Variants in NRXN3 observed in about 807,000 individuals in gnomAD.
The protein encoded by NRXN3 is neurexin III.
Under a neutral mutation model 137.6 loss-of-function variants are expected in NRXN3, and 32 were observed. That is an observed-to-expected ratio of 0.23 (90% CI 0.18 to 0.31). The LOEUF (loss-of-function observed/expected upper bound fraction) is 0.31, where lower values mean the gene tolerates loss of function less well. Ranked by LOEUF, NRXN3 falls within the 10% of genes least tolerant of loss-of-function variation. NRXN3 has a pLI of 1.00. For missense variants in NRXN3, 1,574 were observed against 2,062.5 expected, an observed-to-expected ratio of 0.76 and a Z score of 4.59; for synonymous variants, 798 against 784.5, an observed-to-expected ratio of 1.02 and a Z score of -0.29.
intron 8 of NRXN3, among the ~76,000 whole-genome samples, chr14:78,755,576 T>C (rs2098664417): frequency 6.6e-6 from 1 of 152,170 alleles, no homozygotes; most frequent in Admixed American, 6.5e-5. Context: ...GACTGCTAGG[T>C]GTGAGTTATG....
At chr14:79,680,873 G>A (rs2098666759) in intron 17 of NRXN3, among the ~76,000 whole-genome samples, 1 of 152,052 alleles carries the variant, frequency 6.6e-6, no homozygotes, top group Non-Finnish European at 1.5e-5. Flanking sequence ...CAGATAAGTA[G>A]GTCCTTGTCC....
intron 15 of NRXN3, among the ~76,000 whole-genome samples, chr14:79,116,105 A>G (rs2054387587): frequency 1.3e-5 from 2 of 152,184 alleles, no homozygotes; most frequent in South Asian, 2.1e-4. Context: ...CAATAGCACA[A>G]AATTCAATTG....
intron 15 of NRXN3, among the ~76,000 whole-genome samples, chr14:79,251,018 G>T (rs907071516): frequency 6.6e-6 from 1 of 152,170 alleles, no homozygotes; most frequent in Non-Finnish European, 1.5e-5. Flanking sequence ...TTAAAGGTCT[G>T]GTAGTGAGTA....
intron 10 of NRXN3, among the ~76,000 whole-genome samples, chr14:78,815,345 T>G (rs1205309343): frequency 6.6e-6 from 1 of 152,168 alleles, no homozygotes; most frequent in Non-Finnish European, 1.5e-5. Flanking sequence ...TGATTCATCA[T>G]AGAGGTGCAC....
At chr14:79,013,653 A>G (rs1275215570) in intron 15 of NRXN3, among the ~76,000 whole-genome samples, 1 of 152,202 alleles carries the variant, frequency 6.6e-6, no homozygotes. Flanking sequence ...GGTAATTATT[A>G]TATTTACAGA....
intron 4 of NRXN3, among the ~76,000 whole-genome samples, chr14:78,485,099 T>G (rs948715939): frequency 6.6e-6 from 1 of 152,168 alleles, no homozygotes; most frequent in Non-Finnish European, 1.5e-5. Context: ...TACAGTATTA[T>G]AGCCTGAGGT....
chr14:79,398,145 G>C (rs2370978), intron 15 of NRXN3, among the ~76,000 whole-genome samples: 55,982 of 151,906 alleles, frequency 0.37, 10,519 homozygotes, highest in African/African-American at 0.41. Context: ...CCATCCACCC[G>C]CTAACTCCAA....
intron 10 of NRXN3, among the ~76,000 whole-genome samples, chr14:78,871,705 T>C (rs2099101733): frequency 6.6e-6 from 1 of 152,142 alleles, no homozygotes; most frequent in Non-Finnish European, 1.5e-5. Context: ...AGAAGTCTTG[T>C]CTTGGACATC....
At chr14:79,384,357 G>A (rs966711873) in intron 15 of NRXN3, among the ~76,000 whole-genome samples, 5 of 152,092 alleles carry the variant, frequency 3.3e-5, no homozygotes, top group African/African-American at 1.2e-4. Context: ...TGGAAACGTG[G>A]GAAAAGGAGC....
Position 78,607,760 on chromosome 14 carries a change from G to A in NRXN3, c.758-37360G>A, listed in dbSNP as rs945484717. On this transcript the variant is annotated intron_variant, in intron 4 of 20. Coordinates refer to ENST00000335750, the MANE Select transcript of NRXN3 (RefSeq NM_001330195.2). ...TGCTATTCTCCACGATCTGTGTTAA[G>A]GTTTCTGTGGATGTGTGTGTGTGTC... Among the ~76,000 whole-genome samples, 5 of 152,180 alleles carry A rather than the reference G, an allele frequency of 3.3e-5. No homozygotes were observed. The East Asian group carries it at 5.8e-4, about 18-fold the overall frequency.
At chr14:79,859,253 C>T (rs1476314252) in intron 20 of NRXN3, among the ~76,000 whole-genome samples, 3 of 152,160 alleles carry the variant, frequency 2.0e-5, no homozygotes, top group Admixed American at 6.5e-5. Flanking sequence ...TATGCTTTCT[C>T]GGTTCCCTCA....
chr14:79,608,663 TG>T (rs1247168054), intron 16 of NRXN3, among the ~76,000 whole-genome samples: 2 of 152,232 alleles, frequency 1.3e-5, no homozygotes, highest in African/African-American at 2.4e-5. Context: ...CCAGCCAGCC[TG>T]GGGCGCTTCT....
chr14:79,578,126 T>C (rs1802870542), intron 16 of NRXN3, among the ~76,000 whole-genome samples: 1 of 152,220 alleles, frequency 6.6e-6, no homozygotes, highest in African/African-American at 2.4e-5. Flanking sequence ...AATTTGCTCA[T>C]AGGACTTACA....
At position 79,381,327 on chromosome 14, in the gene NRXN3, G is replaced by A. The variant is rs140818055; in HGVS notation, c.3263-85894G>A. ...TCTCAAATTTATTTGCACATGAAAT[G>A]CCTGTGGGACATAATATCTCTGAAG... On this transcript the variant is annotated intron_variant, in intron 15 of 20. Coordinates refer to ENST00000335750, the MANE Select transcript of NRXN3 (RefSeq NM_001330195.2). 2.4e-4 allele frequency among the ~76,000 whole-genome samples: 36 copies of A among 151,702 alleles called. No individual in the cohort carries two copies. In the East Asian group the frequency reaches 6.8e-3, roughly 29 times the overall value.
intron 16 of NRXN3, among the ~76,000 whole-genome samples, chr14:79,643,531 A>G (rs1248586921): frequency 1.5e-5 from 2 of 135,480 alleles, no homozygotes; most frequent in African/African-American, 4.9e-5. Flanking sequence ...CCTAATACCA[A>G]CTGAAGAGAG....
chr14:78,649,159 C>T (rs2097714778), intron 5 of NRXN3: 4 of 639,604 alleles, frequency 6.3e-6, no homozygotes, highest in Non-Finnish European at 1.0e-5. Context: ...TTTTACTAAC[C>T]GACTAATGTA....
intron 16 of NRXN3, among the ~76,000 whole-genome samples, chr14:79,609,245 AG>A (rs2098067255): frequency 6.6e-6 from 1 of 152,224 alleles, no homozygotes; most frequent in South Asian, 2.1e-4. Context: ...AACCATTATC[AG>A]TCTACACTCT....
intron 10 of NRXN3, among the ~76,000 whole-genome samples, chr14:78,926,354 CTTATA>C (rs1249683881): frequency 6.6e-6 from 1 of 151,814 alleles, no homozygotes; most frequent in South Asian, 2.1e-4. Context: ...GTCTTTCTCT[CTTATA>C]TATTTCTGGA....
Position 79,467,282 on chromosome 14 carries a change from T to C in NRXN3, c.3324T>C (p.Asn1108=). 2 of 1,613,188 alleles carry C rather than the reference T, an allele frequency of 1.2e-6. No homozygotes were observed. Among genetic ancestry groups the C allele is most frequent in the Non-Finnish European group, 1.7e-6 (2 of 1,179,152 alleles). Residue 1108 remains asparagine (N), a synonymous_variant, in exon 16 of 21, where the codon AAT becomes AAC. Coordinates refer to ENST00000335750, the MANE Select transcript of NRXN3 (RefSeq NM_001330195.2). ...TTATCCTCTACACCTGGCCAGCCAA[T>C]GACAGGCCCAGCACGCGGTCTGACC... The part of the protein sequence containing the change: ...GGLILYTWPA[N]DRPSTRSDRL...
Sources: gnomAD v4.1 joint callset for allele counts (sites outside exome capture counted in the v4.1 genomes callset) on GRCh38, gnomAD v4.1.1 for gene constraint, MANE v1.5 for transcripts, NCBI Gene and HGNC (gene_info 2026-07-23, HGNC 2026-07-21) for gene names.